SCARA5: variants seen among roughly 807,000 people sequenced by gnomAD.
SCARA5 encodes scavenger receptor class A, member 5 (putative).
In SCARA5, 45 loss-of-function variants were observed where a neutral mutation model predicts 46.3. The observed-to-expected ratio is 0.97, with a 90% CI of 0.76 to 1.24. The LOEUF is 1.24. Ranked by LOEUF, SCARA5 falls within the 50% of genes most tolerant of loss-of-function variation. The pLI, the probability that SCARA5 is intolerant of heterozygous loss-of-function variation, is 0.00. For synonymous variants in SCARA5, 333 were observed against 306.5 expected (o/e 1.09, Z -0.90); for missense variants, 680 against 689.0 (o/e 0.99, Z 0.15).
intron 7 of SCARA5, among the ~76,000 whole-genome samples, chr8:27,902,921 T>C (rs1807181136): frequency 6.6e-6 from 1 of 152,044 alleles, no homozygotes; most frequent in Non-Finnish European, 1.5e-5. Context: ...GCACTTCAGG[T>C]GAGGTGAGTG....
chr8:27,900,039 G>A (rs1287172155), intron 7 of SCARA5, among the ~76,000 whole-genome samples: 1 of 152,116 alleles, frequency 6.6e-6, no homozygotes, highest in Non-Finnish European at 1.5e-5. Flanking sequence ...TCTGGAGGCT[G>A]AGGCAGGAGA....
chr8:27,892,303 C>G (rs1394505273), intron 7 of SCARA5, among the ~76,000 whole-genome samples: 1 of 152,208 alleles, frequency 6.6e-6, no homozygotes, highest in Non-Finnish European at 1.5e-5. Context: ...ACTATGGGTC[C>G]TGGTTATCCC....
In SCARA5 at chr8:27,922,279, G is replaced by A. The variant is rs754663481; in HGVS notation, c.242-34C>T. 6.8e-6 allele frequency: 10 copies of A among 1,468,978 alleles called. No individual in the cohort carries two copies. In the South Asian group the frequency reaches 1.0e-4, roughly 15 times the overall value. The allele number at this position is 1,468,978 out of a possible 1,614,324, so 91.0% of individuals were successfully genotyped here. A position where few individuals can be genotyped will look rare whatever the true frequency, so the allele number is the denominator to read the frequency against. On this transcript the variant is annotated intron_variant, in intron 3 of 8. Coordinates refer to ENST00000354914, the MANE Select transcript of SCARA5 (RefSeq NM_173833.6). ...GAGGAAGAGGGGAGACTTGAGCACCGCTGGGGAGGAAGGCCCCGGGTGACA... is the reference window on the plus strand; with the variant it reads ...GAGGAAGAGGGGAGACTTGAGCACCACTGGGGAGGAAGGCCCCGGGTGACA...
intron 1 of SCARA5, among the ~76,000 whole-genome samples, chr8:27,991,184 T>C (rs1373983204): frequency 1.3e-5 from 2 of 152,190 alleles, no homozygotes; most frequent in Non-Finnish European, 2.9e-5. Context: ...CAGCCTCAGG[T>C]ACATGACCTC....
intron 2 of SCARA5, among the ~76,000 whole-genome samples, chr8:27,969,725 C>A (rs1229964502): frequency 6.6e-6 from 1 of 152,064 alleles, no homozygotes; most frequent in Non-Finnish European, 1.5e-5. Context: ...GGGATATTGA[C>A]AGAGGGGGAG....
intron 3 of SCARA5, among the ~76,000 whole-genome samples, chr8:27,938,666 T>A (rs1407898112): frequency 6.6e-6 from 1 of 152,178 alleles, no homozygotes; most frequent in Admixed American, 6.5e-5. Flanking sequence ...CGGAGAGAGA[T>A]GGGCGTGAGG....
At chr8:27,920,935 C>T (rs1263007200) in intron 4 of SCARA5, among the ~76,000 whole-genome samples, 1 of 152,198 alleles carries the variant, frequency 6.6e-6, no homozygotes, top group Non-Finnish European at 1.5e-5. Context: ...GAGATCAAGC[C>T]ACTACACTCC....
At chr8:27,990,012 C>T (rs60406001) in intron 1 of SCARA5, among the ~76,000 whole-genome samples, 1 of 152,268 alleles carries the variant, frequency 6.6e-6, no homozygotes, top group African/African-American at 2.4e-5. Flanking sequence ...AGAGGCCACA[C>T]AGAGCCAGAC....
Position 27,872,011 on chromosome 8 carries a change from G to A in SCARA5, c.1411C>T (p.Arg471Cys), listed in dbSNP as rs144350606. ...ACKGTEETIF[R>C]CSFSKWGVTN... ...ACCCCCCATTTGGAGAAGCTGCAGCGGAAGATGGTTTCCTCTGTGCCCTTG... is the reference window on the plus strand; with the variant it reads ...ACCCCCCATTTGGAGAAGCTGCAGCAGAAGATGGTTTCCTCTGTGCCCTTG... Residue 471 changes from arginine (R) to cysteine (C), a missense_variant, in exon 9 of 9, where the codon CGC (arginine) becomes TGC (cysteine). This residue lies in a region of SCARA5 where 219 missense variants were observed against 269.5 expected (regional missense o/e 0.81). Coordinates refer to ENST00000354914, the MANE Select transcript of SCARA5 (RefSeq NM_173833.6). 75 of 1,614,220 alleles carry A rather than the reference G, an allele frequency of 4.6e-5. No individual in the cohort carries two copies. The African/African-American group carries it at 5.9e-4, about 13-fold the overall frequency.
chr8:27,897,046 T>G (rs1807074722), intron 7 of SCARA5, among the ~76,000 whole-genome samples: 1 of 151,702 alleles, frequency 6.6e-6, no homozygotes, highest in Admixed American at 6.6e-5. Context: ...GAGCAGAGAT[T>G]GTGCCACTGC....
At chr8:27,970,885 TTTTA>T (rs1563542138) in intron 2 of SCARA5, among the ~76,000 whole-genome samples, 2 of 149,674 alleles carry the variant, frequency 1.3e-5, no homozygotes, top group African/African-American at 5.1e-5. Flanking sequence ...TTTGGCTTTT[TTTTA>T]AAAAAAAACC....
At chr8:27,962,232 T>C (rs2726942) in intron 3 of SCARA5, among the ~76,000 whole-genome samples, 81,533 of 152,004 alleles carry the variant, frequency 0.54, 22,095 homozygotes, top group South Asian at 0.66. Flanking sequence ...TCACATATCC[T>C]CATACAAGGG....
intron 7 of SCARA5, among the ~76,000 whole-genome samples, chr8:27,883,257 T>C (rs1232922975): frequency 2.6e-5 from 4 of 152,216 alleles, no homozygotes; most frequent in Non-Finnish European, 5.9e-5. Flanking sequence ...CCAGAGCAAC[T>C]GAAAGAAGCC....
At chr8:27,891,610 T>C (rs1190258180) in intron 7 of SCARA5, among the ~76,000 whole-genome samples, 1 of 152,254 alleles carries the variant, frequency 6.6e-6, no homozygotes, top group East Asian at 1.9e-4. Flanking sequence ...ATTTCCTGTA[T>C]GTTCCAGCCA....
At position 27,966,533 on chromosome 8, in the gene SCARA5, T is replaced by C; in HGVS notation, c.122A>G (p.His41Arg). 1 of 1,612,622 alleles carries C rather than the reference T, an allele frequency of 6.2e-7. No homozygotes were observed. Among genetic ancestry groups the C allele is most frequent in the Non-Finnish European group, 8.5e-7 (1 of 1,179,554 alleles). The stretch of plus-strand genomic sequence containing the variant: ...ACAGCAGATGCTTGCCCGCCGTTTG[T>C]GACATGGACCTGGACAATAAGGGTA... ...KLNLCEDGPC[H>R]KRRASICCTQ... is the part of the protein sequence containing the mutation. Residue 41 changes from histidine to arginine, a missense_variant, in exon 3 of 9, where the codon CAC becomes CGC. Coordinates refer to ENST00000354914, the MANE Select transcript of SCARA5 (RefSeq NM_173833.6).
In SCARA5 at chr8:27,879,821, C is replaced by A. The variant is rs1806783697; in HGVS notation, c.1154-55G>T. 4 of 1,568,604 alleles carry A rather than the reference C, an allele frequency of 2.6e-6. No homozygotes were observed. In the Admixed American group the frequency reaches 6.9e-5, roughly 27 times the overall value. ...GCTCTAGATACACCAGGACCCGCCC[C>A]CAGGGGCCTTCTTTGACTCCGCCTA... On this transcript the variant is annotated intron_variant, in intron 7 of 8. Transcript: ENST00000354914.
At chr8:27,912,313 CA>C (rs1474273504) in intron 4 of SCARA5, among the ~76,000 whole-genome samples, 3 of 152,232 alleles carry the variant, frequency 2.0e-5, no homozygotes, top group African/African-American at 7.2e-5. Flanking sequence ...ATAACTCCCT[CA>C]CACTGGCACT....
At chr8:27,965,898 G>A (rs1808361696) in intron 3 of SCARA5, among the ~76,000 whole-genome samples, 1 of 152,208 alleles carries the variant, frequency 6.6e-6, no homozygotes, top group African/African-American at 2.4e-5. Flanking sequence ...CATGGCTGGA[G>A]AACATGCTAG....
At chr8:27,986,150 T>A (rs1808701855) in intron 2 of SCARA5, among the ~76,000 whole-genome samples, 1 of 152,208 alleles carries the variant, frequency 6.6e-6, no homozygotes, top group Non-Finnish European at 1.5e-5. Flanking sequence ...GCGGATGGAC[T>A]GATGGGAGCT....
Sources: gnomAD v4.1 joint callset for allele counts (sites outside exome capture counted in the v4.1 genomes callset) on GRCh38, gnomAD v4.1.1 for gene constraint, gnomAD v4.1.1 regional missense constraint, MANE v1.5 for transcripts, NCBI Gene and HGNC (gene_info 2026-07-23, HGNC 2026-07-21) for gene names.